The following UBAP2 variants were observed in gnomAD, a reference collection of about 807,000 sequenced individuals.
UBAP2 encodes ubiquitin-associated protein 2.
A neutral mutation model predicts 139.6 loss-of-function variants in UBAP2; 75 were observed. The observed-to-expected ratio is 0.54, with a 90% CI of 0.45 to 0.65. UBAP2 has a LOEUF of 0.65. Ranked by LOEUF, UBAP2 falls within the 30% of genes least tolerant of loss-of-function variation. The pLI is 0.00. For synonymous variants in UBAP2, 526 were observed against 526.2 expected, an observed-to-expected ratio of 1.00 and a Z score of 0.01; for missense variants, 1,368 against 1,369.6, an observed-to-expected ratio of 1.00 and a Z score of 0.02.
intron 6 of UBAP2, among the ~76,000 whole-genome samples, chr9:33,984,497 T>C (rs945781884): frequency 6.8e-6 from 1 of 146,502 alleles, no homozygotes; most frequent in Non-Finnish European, 1.5e-5. Flanking sequence ...ACCCCATCTC[T>C]TAAAAAAAAA....
At position 33,927,094 on chromosome 9, in the gene UBAP2, A is replaced by G; in HGVS notation, c.2372-14T>C. On this transcript the variant is annotated splice_polypyrimidine_tract_variant and intron_variant, in intron 20 of 28. Transcript: ENST00000379238. ...GGGGTGCTTTGCCTGTATAGAGGGA[A>G]AAATCAAATGGAGTGAAATGGTCAC... 1 of 1,596,192 alleles carries G rather than the reference A, an allele frequency of 6.3e-7. No individual in the cohort carries two copies. The highest frequency in any genetic ancestry group is 8.6e-7 in the Non-Finnish European group (1 of 1,169,166).
At chr9:33,952,510 C>T (rs1457098678) in intron 12 of UBAP2, among the ~76,000 whole-genome samples, 1 of 152,042 alleles carries the variant, frequency 6.6e-6, no homozygotes. Context: ...GCTTATTTTA[C>T]GGTCTTAGGG....
rs1199031856 is a variant in UBAP2, at chr9:34,002,486, T to G, written c.100-3622A>C. ...TCCATCTCCCAGGTTCAAGCGATTC[T>G]CTTGCCTCAGCCTCCTGAATAGCTA... On this transcript the variant is annotated intron_variant, in intron 2 of 28. Coordinates refer to ENST00000379238, the MANE Select transcript of UBAP2 (RefSeq NM_001370062.2). 2.7e-5 allele frequency among the ~76,000 whole-genome samples: 4 copies of G among 150,802 alleles called. No individual in the cohort carries two copies. In the Admixed American group the frequency reaches 2.7e-4, roughly 10 times the overall value.
intron 1 of UBAP2, among the ~76,000 whole-genome samples, chr9:34,020,560 A>G (rs1824849031): frequency 6.6e-6 from 1 of 151,904 alleles, no homozygotes; most frequent in South Asian, 2.1e-4. Context: ...TCGTGGCCTC[A>G]GGTGATCCAC....
At chr9:34,035,517 ATATATAT>A (rs1826284317) in intron 1 of UBAP2, among the ~76,000 whole-genome samples, 1 of 104,844 alleles carries the variant, frequency 9.5e-6, no homozygotes, top group Non-Finnish European at 2.0e-5. Context: ...AAAAAAAAAT[ATATATAT>A]ATAAAGATTA....
intron 6 of UBAP2, among the ~76,000 whole-genome samples, chr9:33,975,892 A>G (rs1215126170): frequency 2.0e-5 from 3 of 151,926 alleles, no homozygotes; most frequent in African/African-American, 2.4e-5. Flanking sequence ...CCATATGATC[A>G]TGAAATTGTG....
intron 22 of UBAP2, among the ~76,000 whole-genome samples, chr9:33,924,974 A>G (rs777143730): frequency 5.9e-5 from 9 of 152,202 alleles, no homozygotes; most frequent in South Asian, 2.1e-4. Context: ...TATTCTTTCA[A>G]TGTGGCCCAA....
At chr9:34,015,984 A>G (rs1824219479) in intron 2 of UBAP2, among the ~76,000 whole-genome samples, 1 of 152,160 alleles carries the variant, frequency 6.6e-6, no homozygotes. Context: ...AGCTTTTTAA[A>G]GTCTATTGTA....
rs527773700 is a variant in UBAP2 at position 34,046,418 on chromosome 9, C to T, written c.-42+2407G>A. Among the ~76,000 whole-genome samples, 14 of 151,836 alleles carry T rather than the reference C, an allele frequency of 9.2e-5. 1 individual carries two copies. The South Asian group carries it at 2.9e-3, about 32-fold the overall frequency. ...CAATCCCAGCACTTTGGGAGGCAGG[C>T]GGATCACGGGGTCAGGAGATCAAGA... is the stretch of plus-strand genomic sequence containing the variant. On this transcript the variant is annotated intron_variant, in intron 1 of 28. Transcript: ENST00000379238.
At chr9:34,008,961 CAAAAAAAAAAAA>C (rs773189067) in intron 2 of UBAP2, among the ~76,000 whole-genome samples, 7 of 65,708 alleles carry the variant, frequency 1.1e-4, no homozygotes, top group Admixed American at 4.6e-4. Flanking sequence ...GAGACTGTCT[CAAAAAAAAAAAA>C]AAAAAAAAAA....
chr9:33,936,010 G>C (rs1824479692), intron 16 of UBAP2, 132 bp from the exon 17 acceptor site: 1 of 1,027,096 alleles, frequency 9.7e-7, no homozygotes, highest in South Asian at 1.6e-5. Context: ...TTTTAATAAA[G>C]GGAAGATAAA....
chr9:33,978,482 G>C (rs1820352082), intron 6 of UBAP2, among the ~76,000 whole-genome samples: 1 of 152,092 alleles, frequency 6.6e-6, no homozygotes, highest in African/African-American at 2.4e-5. Flanking sequence ...TTTAAAAGTA[G>C]AGGAACTAGG....
At chr9:34,034,058 C>A (rs1003268227) in intron 1 of UBAP2, among the ~76,000 whole-genome samples, 2 of 152,156 alleles carry the variant, frequency 1.3e-5, no homozygotes, top group Non-Finnish European at 2.9e-5. Context: ...TTAATGAAGA[C>A]CAGATGACCT....
At chr9:34,024,805 G>A (rs1041260444) in intron 1 of UBAP2, among the ~76,000 whole-genome samples, 17 of 152,168 alleles carry the variant, frequency 1.1e-4, no homozygotes, top group African/African-American at 3.4e-4. Flanking sequence ...CAAACATGGC[G>A]AAACCCTGTC....
At chr9:33,944,059 T>C (rs1387371900) in intron 14 of UBAP2, among the ~76,000 whole-genome samples, 1 of 152,134 alleles carries the variant, frequency 6.6e-6, no homozygotes, top group Non-Finnish European at 1.5e-5. Flanking sequence ...ATGATGAAAG[T>C]ATCACCTGGT....
chr9:33,943,904 TA>T lies in UBAP2; in HGVS notation c.1546-316del, dbSNP rs200097712. The stretch of plus-strand genomic sequence containing the variant: ...CAACACGGCGAGACCCTGTCTCATT[TA>T]AAAAAAAAAAGGAGAAATTAAAAGT... On this transcript the variant is annotated intron_variant, in intron 14 of 28. Coordinates refer to ENST00000379238, the MANE Select transcript of UBAP2 (RefSeq NM_001370062.2). Among the ~76,000 whole-genome samples, 96 of 145,024 alleles carry T rather than the reference TA, an allele frequency of 6.6e-4. 1 individual carries two copies. Among genetic ancestry groups the T allele is most frequent in the Admixed American group, 7.6e-4 (11 of 14,482 alleles).
Position 33,989,087 on chromosome 9 carries a change from C to T in UBAP2, c.328G>A (p.Ala110Thr), listed in dbSNP as rs1232306822. 5 of 1,613,592 alleles carry T rather than the reference C, an allele frequency of 3.1e-6. No individual in the cohort carries two copies. Among genetic ancestry groups the T allele is most frequent in the Non-Finnish European group, 4.2e-6 (5 of 1,179,924 alleles). The change falls in exon 5 of 29, where the codon GCA (alanine) becomes ACA (threonine). Residue 110 changes from alanine to threonine, a missense_variant. By Grantham distance (58) the Ala-to-Thr change is moderately conservative. Coordinates refer to ENST00000379238, the MANE Select transcript of UBAP2 (RefSeq NM_001370062.2). ...TCTTTGTTTTCTGAATTTTCTTTTGCAAAATTCTTTTTCTTACACCCTACA... is the reference window on the plus strand; with the variant it reads ...TCTTTGTTTTCTGAATTTTCTTTTGTAAAATTCTTTTTCTTACACCCTACA... ...ETVGCKKKNF[A>T]KENSENKENR... is the part of the protein sequence containing the mutation.
At chr9:33,955,390 G>C (rs1041088958) in intron 11 of UBAP2, among the ~76,000 whole-genome samples, 1 of 151,526 alleles carries the variant, frequency 6.6e-6, no homozygotes, top group African/African-American at 2.4e-5. Context: ...GTGGTGGCAG[G>C]CGCCTGTAGT....
At chr9:33,933,665 T>C in intron 17 of UBAP2, 37 bp from the exon 18 acceptor site, 1 of 1,607,282 alleles carries the variant, frequency 6.2e-7, no homozygotes, top group Non-Finnish European at 8.5e-7. Context: ...AGCAGATCTG[T>C]TTATTTCTAA....
Sources: allele counts gnomAD v4.1 joint callset (sites outside exome capture counted in the v4.1 genomes callset), GRCh38; gene constraint gnomAD v4.1.1; transcripts MANE v1.5; gene names NCBI Gene and HGNC (gene_info 2026-07-23, HGNC 2026-07-21).